HMCN2: variants seen among roughly 807,000 people sequenced by gnomAD.
HMCN2 encodes the protein hemicentin 2.
In HMCN2, 325 loss-of-function variants were observed where a neutral mutation model predicts 377.5. That is an observed-to-expected ratio of 0.86 (90% CI 0.79 to 0.94). The LOEUF (loss-of-function observed/expected upper bound fraction) is 0.94, where lower values mean the gene tolerates loss of function less well. HMCN2 is among the 40% of genes least tolerant of loss of function. The pLI is 0.00. For missense variants in HMCN2, 4,543 were observed against 4,725.3 expected (o/e 0.96, Z 1.13); for synonymous variants, 2,007 against 2,046.8 (o/e 0.98, Z 0.53).
In HMCN2 at chr9:130,380,358, G is replaced by A. The variant is rs181127250; in HGVS notation, c.8431+891G>A. 1.8e-3 allele frequency among the ~76,000 whole-genome samples: 276 copies of A among 152,308 alleles called. 1 individual carries two copies. The highest frequency in any genetic ancestry group is 3.8e-3 in the Admixed American group (58 of 15,300). On this transcript the variant is annotated intron_variant, in intron 54 of 97. Coordinates refer to ENST00000683500, the MANE Select transcript of HMCN2 (RefSeq NM_001291815.2). Reference sequence around the variant, plus strand: ...CTGGCTCATGAGGGAAGCGTGGGTGGTCTCTCTGTTTGAGATTCGAACTGT... The same window carrying A: ...CTGGCTCATGAGGGAAGCGTGGGTGATCTCTCTGTTTGAGATTCGAACTGT...
intron 1 of HMCN2, among the ~76,000 whole-genome samples, chr9:130,269,194 A>G (rs1234156553): frequency 1.4e-5 from 2 of 147,742 alleles, no homozygotes; most frequent in Non-Finnish European, 3.0e-5. Flanking sequence ...TACAGTTTCT[A>G]AATTAAAAAT....
At chr9:130,379,507 T>C in intron 54 of HMCN2, 40 bp downstream of exon 54, 1 of 920,136 alleles carries the variant, frequency 1.1e-6, no homozygotes, top group Non-Finnish European at 1.3e-6. Context: ...CGCTTTGAGC[T>C]CTCCTGTGTG....
Position 130,391,504 on chromosome 9 carries a change from G to A in HMCN2, c.9882G>A (p.Ala3294=), listed in dbSNP as rs1021074525. 5.1e-6 allele frequency: 5 copies of A among 987,732 alleles called. No individual in the cohort carries two copies. Among genetic ancestry groups the A allele is most frequent in the Non-Finnish European group, 6.0e-6 (5 of 830,160 alleles). The allele number at this position is 987,732 out of a possible 1,614,324, so 61.2% of individuals were successfully genotyped here. ...TAAAAGGCCTGAGGGCCTCGGACGC[G>A]GGTGCCTACACCTGCGTGGCCCACA... ...LVLKGLRASD[A]GAYTCVAHNP... Residue 3294 remains alanine, a synonymous_variant, in exon 65 of 98, where the codon GCG becomes GCA. Transcript: ENST00000683500.
chr9:130,285,544 C>A (rs1001223247), intron 3 of HMCN2, among the ~76,000 whole-genome samples: 1 of 152,208 alleles, frequency 6.6e-6, no homozygotes, highest in African/African-American at 2.4e-5. Context: ...GCTCACACTT[C>A]CCTGGCGCAG....
chr9:130,348,079 A>C, intron 26 of HMCN2: 1 of 983,308 alleles, frequency 1.0e-6, no homozygotes, highest in Non-Finnish European at 1.2e-6. Context: ...GGCAGGATGA[A>C]CTGGCCCCGC....
At position 130,360,969 on chromosome 9, in the gene HMCN2, C is replaced by T. The variant is rs1367968014; in HGVS notation, c.5950+365C>T. ...CTACCCACCTGTCTGCCCACCCATC[C>T]ACCTGCCCATTTGTCTACCTGTCCA... is the stretch of plus-strand genomic sequence containing the variant. On this transcript the variant is annotated intron_variant, in intron 38 of 97. Coordinates refer to ENST00000683500, the MANE Select transcript of HMCN2 (RefSeq NM_001291815.2). This position sits in a 1 kb window ranked among gnomAD's most constrained non-coding sequence, Gnocchi z 4.7. 2.0e-5 allele frequency among the ~76,000 whole-genome samples: 3 copies of T among 152,030 alleles called. No homozygotes were observed. Among genetic ancestry groups the T allele is most frequent in the East Asian group, 1.9e-4 (1 of 5,192 alleles).
rs1287171701 is a variant in HMCN2 at position 130,306,101 on chromosome 9, C to T, written c.1817-28C>T. ...GGCACGGCTGCTCTGATGGGCTCAT[C>T]CTCGCCTATCCACTTTTTGGGTCAC... is the stretch of plus-strand genomic sequence containing the variant. On this transcript the variant is annotated intron_variant, in intron 11 of 97. Transcript: ENST00000683500. 16 of 470,574 alleles carry T rather than the reference C, an allele frequency of 3.4e-5. No homozygotes were observed. The East Asian group carries it at 1.1e-3, about 33-fold the overall frequency. 29.1% of individuals were successfully genotyped at this position (470,574 alleles called of 1,614,324 possible).
In HMCN2 at chr9:130,368,351, C is replaced by T; in HGVS notation, c.6701C>T (p.Ala2234Val). The change falls in exon 44 of 98, where the codon GCC (alanine) becomes GTC (valine). Residue 2234 changes from alanine (A) to valine (V), a missense_variant. By Grantham distance (64) the Ala-to-Val change is moderately conservative. Coordinates refer to ENST00000683500, the MANE Select transcript of HMCN2 (RefSeq NM_001291815.2). ...AVGRLLYLGQ[A>V]QLAQEGTYTC... is the part of the protein sequence containing the mutation. The stretch of plus-strand genomic sequence containing the variant: ...GGGAGGCTGTTGTACCTGGGACAGG[C>T]CCAGCTGGCTCAGGAAGGAACATAC... 1.0e-6 allele frequency: 1 copy of T among 985,782 alleles called. No homozygotes were observed. 61.1% of individuals were successfully genotyped at this position (985,782 alleles called of 1,614,324 possible).
chr9:130,312,180 C>T (rs1436567008), intron 15 of HMCN2, among the ~76,000 whole-genome samples: 1 of 152,180 alleles, frequency 6.6e-6, no homozygotes, highest in African/African-American at 2.4e-5. Flanking sequence ...AACCAAGGGT[C>T]TTGCACCTAT....
chr9:130,403,387 G>A lies in HMCN2; in HGVS notation c.12013+59G>A. Reference sequence around the variant, plus strand: ...AGAGAAGAGCGTGGGTCTGGGCAGGGGGGGAGTCCTGCTTCCTGCCCTGGG... The same window carrying A: ...AGAGAAGAGCGTGGGTCTGGGCAGGAGGGGAGTCCTGCTTCCTGCCCTGGG... On this transcript the variant is annotated intron_variant, in intron 79 of 97. Coordinates refer to ENST00000683500, the MANE Select transcript of HMCN2 (RefSeq NM_001291815.2). 3 of 1,279,682 alleles carry A rather than the reference G, an allele frequency of 2.3e-6. 1 individual carries two copies. The highest frequency in any genetic ancestry group is 2.5e-5 in the South Asian group (2 of 79,864). 79.3% of individuals were successfully genotyped at this position (1,279,682 alleles called of 1,614,324 possible).
chr9:130,359,716 G>T (rs981967949), intron 37 of HMCN2, among the ~76,000 whole-genome samples: 2 of 152,242 alleles, frequency 1.3e-5, no homozygotes, highest in South Asian at 2.1e-4. Flanking sequence ...GGTCTGTAGG[G>T]TCCTCCCCTC....
At chr9:130,342,993 C>T (rs1251043642) in intron 25 of HMCN2, among the ~76,000 whole-genome samples, 3 of 152,246 alleles carry the variant, frequency 2.0e-5, no homozygotes, top group Non-Finnish European at 4.4e-5. Context: ...CAGTTTCTAT[C>T]TCCTTTCGAG....
chr9:130,277,735 A>G (rs1554923631), intron 1 of HMCN2, among the ~76,000 whole-genome samples: 1 of 150,136 alleles, frequency 6.7e-6, no homozygotes, highest in African/African-American at 2.4e-5. Context: ...CACCACCATC[A>G]TCATCACCAC....
Position 130,427,833 on chromosome 9 carries a change from A to G in HMCN2, c.14065+214A>G, listed in dbSNP as rs185258454. 5.9e-5 allele frequency among the ~76,000 whole-genome samples: 9 copies of G among 152,292 alleles called. No homozygotes were observed. In the East Asian group the frequency reaches 1.5e-3, roughly 26 times the overall value. On this transcript the variant is annotated intron_variant, in intron 92 of 97. Coordinates refer to ENST00000683500, the MANE Select transcript of HMCN2 (RefSeq NM_001291815.2). ...AGCTGCAGATGAATGAGGCCCAGGT[A>G]TCAGGGGGTGATGGGCAGCCCCAGA...
intron 8 of HMCN2, among the ~76,000 whole-genome samples, chr9:130,302,218 T>C (rs1388321629): frequency 6.6e-6 from 1 of 152,104 alleles, no homozygotes; most frequent in Non-Finnish European, 1.5e-5. Flanking sequence ...CAGCTAAGTT[T>C]TGTATTTTTA....
At position 130,392,132 on chromosome 9, in the gene HMCN2, T is replaced by C. The variant is rs932562889; in HGVS notation, c.10136+14T>C. 1 of 987,910 alleles carries C rather than the reference T, an allele frequency of 1.0e-6. No individual in the cohort carries two copies. The highest frequency in any genetic ancestry group is 1.7e-5 in the African/African-American group (1 of 57,310). 61.2% of individuals were successfully genotyped at this position (987,910 alleles called of 1,614,324 possible). ...CCACACCCTCAGGTAGGGGAGACGG[T>C]GGACAGGCCTTGGCTATTCCACTCA... On this transcript the variant is annotated intron_variant, in intron 66 of 97. Transcript: ENST00000683500.
intron 23 of HMCN2, among the ~76,000 whole-genome samples, 195 bp from the exon 24 acceptor site, chr9:130,340,916 T>G (rs1839013446): frequency 6.6e-6 from 1 of 152,184 alleles, no homozygotes; most frequent in African/African-American, 2.4e-5. Context: ...GTGCGTGTGT[T>G]CAGGTGAAAG....
rs916297750 is a variant in HMCN2 at position 130,423,733 on chromosome 9, G to A, written c.13381+1007G>A. On this transcript the variant is annotated intron_variant, in intron 87 of 97. Transcript: ENST00000683500. This position sits in a 1 kb window ranked among gnomAD's most constrained non-coding sequence, Gnocchi z 5.5. The stretch of plus-strand genomic sequence containing the variant: ...CCCCACCTGGTCCTGCGTGGAGGGC[G>A]GGGCATCACATGAAGAAGATCTGAG... 6.6e-6 allele frequency among the ~76,000 whole-genome samples: 1 copy of A among 152,194 alleles called. No individual in the cohort carries two copies. The highest frequency in any genetic ancestry group is 1.5e-5 in the Non-Finnish European group (1 of 68,026).
At chr9:130,417,477 G>A (rs1178184057) in intron 85 of HMCN2, among the ~76,000 whole-genome samples, 2 of 137,038 alleles carry the variant, frequency 1.5e-5, no homozygotes, top group African/African-American at 2.8e-5. Context: ...AGCTGAGATC[G>A]TACCACTGCA....
Sources: allele counts gnomAD v4.1 joint callset (sites outside exome capture counted in the v4.1 genomes callset), GRCh38; gene constraint gnomAD v4.1.1; non-coding constraint Gnocchi (gnomAD v3.1); transcripts MANE v1.5; gene names NCBI Gene and HGNC (gene_info 2026-07-23, HGNC 2026-07-21).